The following SLC4A4 variants were observed in gnomAD, a reference collection of about 807,000 sequenced individuals.
SLC4A4 encodes the protein solute carrier family 4 member 4.
Under a neutral mutation model 111.5 loss-of-function variants are expected in SLC4A4, and 27 were observed. The ratio of observed to expected loss-of-function variants is 0.24; its 90% CI spans 0.18 to 0.33. The LOEUF is 0.33. Among genes scored for constraint, SLC4A4 ranks in the 10% least tolerant of loss-of-function variants. The probability of loss-of-function intolerance (pLI) is 1.00; values close to 1 mark genes in which losing one functional copy is unlikely to be tolerated. For missense variants in SLC4A4, 909 were observed against 1,315.5 expected, an observed-to-expected ratio of 0.69 and a Z score of 4.78; for synonymous variants, 443 against 463.4, an observed-to-expected ratio of 0.96 and a Z score of 0.57.
At chr4:71,156,197 A>G (rs1744457943) in intron 2 of SLC4A4, among the ~76,000 whole-genome samples, 1 of 152,196 alleles carries the variant, frequency 6.6e-6, no homozygotes, top group African/African-American at 2.4e-5. Flanking sequence ...TGTGGTGGGA[A>G]GTGAGTTGGG....
chr4:71,089,365 G>A (rs1742305168), intron 1 of SLC4A4, among the ~76,000 whole-genome samples: 1 of 151,932 alleles, frequency 6.6e-6, no homozygotes, highest in Non-Finnish European at 1.5e-5. Flanking sequence ...GCTTGGTGTA[G>A]TTTGATTGTC....
Position 71,534,220 on chromosome 4 carries a change from T to C in SLC4A4, c.2281-7T>C, listed in dbSNP as rs1465194353. The C allele has an allele frequency of 6.2e-7, 1 of 1,613,444 alleles. No homozygotes were observed. Among genetic ancestry groups the C allele is most frequent in the Admixed American group, 1.7e-5 (1 of 59,920 alleles). On this transcript the variant is annotated splice_polypyrimidine_tract_variant and splice_region_variant and intron_variant, in intron 17 of 25. Transcript: ENST00000264485. Reference sequence around the variant, plus strand: ...TTTTCTGAAAAATGTCATCTGTCTTTTTCAAGCCAACAAGTCCAAACCGAG... The same window carrying C: ...TTTTCTGAAAAATGTCATCTGTCTTCTTCAAGCCAACAAGTCCAAACCGAG...
At chr4:71,070,243 A>G (rs1447939858) in intron 1 of SLC4A4, among the ~76,000 whole-genome samples, 1 of 152,208 alleles carries the variant, frequency 6.6e-6, no homozygotes, top group African/African-American at 2.4e-5. Flanking sequence ...AACAAACTGC[A>G]AAGTCTTAGT....
At chr4:71,557,325 G>A (rs1276858718) in intron 21 of SLC4A4, among the ~76,000 whole-genome samples, 1 of 151,852 alleles carries the variant, frequency 6.6e-6, no homozygotes, top group Non-Finnish European at 1.5e-5. Context: ...TAAGACAACT[G>A]AGGCAGAGTA....
chr4:71,065,367 A>G (rs560330678), intron 1 of SLC4A4, among the ~76,000 whole-genome samples: 1 of 140,684 alleles, frequency 7.1e-6, no homozygotes, highest in Non-Finnish European at 1.7e-5. Context: ...GAGTATCACC[A>G]GACTGAAATA....
intron 3 of SLC4A4, among the ~76,000 whole-genome samples, chr4:71,327,423 T>C (rs1727585569): frequency 1.3e-5 from 2 of 151,956 alleles, no homozygotes; most frequent in South Asian, 4.1e-4. Context: ...CACAAATGGG[T>C]TTGAAGTCAT....
At chr4:71,117,437 G>C (rs1000273155) in intron 2 of SLC4A4, among the ~76,000 whole-genome samples, 5 of 152,100 alleles carry the variant, frequency 3.3e-5, no homozygotes, top group African/African-American at 9.7e-5. Context: ...GAGATTGTTT[G>C]TTTGTTTTAA....
At chr4:71,067,630 G>A (rs1741554922) in intron 1 of SLC4A4, among the ~76,000 whole-genome samples, 1 of 152,146 alleles carries the variant, frequency 6.6e-6, no homozygotes, top group Admixed American at 6.5e-5. Flanking sequence ...TTCTTAGTAG[G>A]GGAGAAAGAG....
chr4:71,467,839 T>C (rs1293540063), intron 13 of SLC4A4, among the ~76,000 whole-genome samples: 1 of 152,062 alleles, frequency 6.6e-6, no homozygotes, highest in Non-Finnish European at 1.5e-5. Context: ...AATCCTTAGG[T>C]AGATTGAAGA....
chr4:71,270,189 G>T (rs1722602127), intron 3 of SLC4A4, among the ~76,000 whole-genome samples: 2 of 152,172 alleles, frequency 1.3e-5, no homozygotes, highest in Non-Finnish European at 2.9e-5. Flanking sequence ...CTGGGTTCAA[G>T]CGATTCTCTT....
intron 2 of SLC4A4, among the ~76,000 whole-genome samples, chr4:71,100,354 A>AC (rs1395491612): frequency 6.6e-6 from 1 of 151,836 alleles, no homozygotes; most frequent in Admixed American, 6.5e-5. Context: ...ACAAAAAAAA[A>AC]ACACATGATT....
In SLC4A4 at chr4:71,238,062, G is replaced by A. The variant is rs145253789; in HGVS notation, c.73+1413G>A. On this transcript the variant is annotated intron_variant, in intron 2 of 25. Coordinates refer to ENST00000264485, the MANE Select transcript of SLC4A4 (RefSeq NM_001098484.3). The stretch of plus-strand genomic sequence containing the variant: ...GTCAAAGAGGAGATACCAGCAAAGA[G>A]GAGATACAAGCAAAGAGGAGTTATA... Among the ~76,000 whole-genome samples the A allele has an allele frequency of 5.3e-4, 80 of 152,228 alleles. 1 individual carries two copies. Among genetic ancestry groups the A allele is most frequent in the Middle Eastern group, 6.8e-3 (2 of 294 alleles).
intron 15 of SLC4A4, among the ~76,000 whole-genome samples, chr4:71,488,568 C>G (rs1729620080): frequency 6.6e-6 from 1 of 151,654 alleles, no homozygotes; most frequent in Non-Finnish European, 1.5e-5. Context: ...ACATAAACTA[C>G]CAGGGTTAAT....
Position 71,268,086 on chromosome 4 carries a change from T to TTG in SLC4A4, c.253+12688_253+12689insGT, listed in dbSNP as rs1222055752. Among the ~76,000 whole-genome samples, 78 of 147,644 alleles carry TTG rather than the reference T, an allele frequency of 5.3e-4. 1 individual carries two copies. The highest frequency in any genetic ancestry group is 9.4e-4 in the Non-Finnish European group (63 of 66,824). On this transcript the variant is annotated intron_variant, in intron 3 of 25. Coordinates refer to ENST00000264485, the MANE Select transcript of SLC4A4 (RefSeq NM_001098484.3). Reference sequence around the variant, plus strand: ...CCAAATAAAGTAGTGTTTTTTTTTTTTTTTTTTTTTTGCCACTAGTGAATC... The same window carrying TTG: ...CCAAATAAAGTAGTGTTTTTTTTTTTTGTTTTTTTTTTTGCCACTAGTGAATC...
chr4:71,189,710 A>G (rs764630700), intron 1 of SLC4A4, among the ~76,000 whole-genome samples: 5 of 152,254 alleles, frequency 3.3e-5, no homozygotes, highest in African/African-American at 4.8e-5. Context: ...TGTAGACCTC[A>G]TATGAGGACT....
intron 10 of SLC4A4, 37 bp from the exon 11 acceptor site, chr4:71,451,150 TA>T: frequency 7.6e-7 from 1 of 1,322,040 alleles, no homozygotes; most frequent in Non-Finnish European, 1.1e-6. Flanking sequence ...ATGAATAAAA[TA>T]AACTAATATA....
intron 1 of SLC4A4, among the ~76,000 whole-genome samples, chr4:71,074,348 A>G (rs1350394470): frequency 6.6e-6 from 1 of 152,204 alleles, no homozygotes; most frequent in Non-Finnish European, 1.5e-5. Flanking sequence ...TATTTTAAAG[A>G]AAAATTTTTC....
chr4:71,320,502 C>T (rs964337871), intron 3 of SLC4A4, among the ~76,000 whole-genome samples: 3 of 152,010 alleles, frequency 2.0e-5, no homozygotes, highest in African/African-American at 7.2e-5. Flanking sequence ...TCAGACACCC[C>T]ACTTTGCTGA....
At chr4:71,337,417 CA>C (rs1364098275) in intron 3 of SLC4A4, among the ~76,000 whole-genome samples, 7 of 151,128 alleles carry the variant, frequency 4.6e-5, no homozygotes, top group Non-Finnish European at 8.9e-5. Flanking sequence ...CAAAAAAGTC[CA>C]GCTATTTTGA....
Sources: allele counts gnomAD v4.1 joint callset (sites outside exome capture counted in the v4.1 genomes callset), GRCh38; gene constraint gnomAD v4.1.1; transcripts MANE v1.5; gene names NCBI Gene and HGNC (gene_info 2026-07-23, HGNC 2026-07-21).